The following KCNB2 variants were observed in gnomAD, a reference collection of about 807,000 sequenced individuals.
KCNB2 encodes the protein delayed rectifier potassium channel protein.
In KCNB2, 15 loss-of-function variants were observed where a neutral mutation model predicts 61.5. The observed-to-expected ratio is 0.24, with a 90% confidence interval of 0.16 to 0.38. The LOEUF is 0.38. KCNB2 is among the 10% of genes least tolerant of loss of function. The pLI is 1.00. For synonymous variants in KCNB2, 457 were observed against 446.0 expected (o/e 1.02, Z -0.31); for missense variants, 828 against 1,125.2 (o/e 0.74, Z 3.78).
In KCNB2 at chr8:72,731,170, G is replaced by A. The variant is rs569484876; in HGVS notation, c.579+162857G>A. On this transcript the variant is annotated intron_variant, in intron 2 of 2. Transcript: ENST00000523207. ...AGTGAGTGAGTGGGGAAGATGGAGA[G>A]AGTAAGAGGAAAACATCTTGCATCG... Among the ~76,000 whole-genome samples, 28 of 152,304 alleles carry A rather than the reference G, an allele frequency of 1.8e-4. No homozygotes were observed. The South Asian group carries it at 5.4e-3, about 29-fold the overall frequency.
chr8:72,772,954 C>G (rs1032372289), intron 2 of KCNB2, among the ~76,000 whole-genome samples: 2 of 152,134 alleles, frequency 1.3e-5, no homozygotes, highest in Non-Finnish European at 2.9e-5. Flanking sequence ...CAAAAATATC[C>G]CTCTTGCTGG....
In KCNB2 at chr8:72,936,707, C is replaced by G. The variant is rs1422954859; in HGVS notation, c.1352C>G (p.Ser451Cys). The G allele has an allele frequency of 6.2e-7, 1 of 1,614,148 alleles. No homozygotes were observed. The highest frequency in any genetic ancestry group is 8.5e-7 in the Non-Finnish European group (1 of 1,180,034). Residue 451 changes from serine to cysteine, a missense_variant, in exon 3 of 3, where the codon TCT becomes TGT. Coordinates refer to ENST00000523207, the MANE Select transcript of KCNB2 (RefSeq NM_004770.3). The surrounding 1 kb of genome is among the most constrained non-coding windows in gnomAD (Gnocchi z 5.6). ...ERAKRNGSIV[S>C]MNLKDAFARS... ...GCCAAAAGGAACGGAAGCATCGTTTCTATGAACTTAAAAGATGCCTTCGCT... is the reference window on the plus strand; with the variant it reads ...GCCAAAAGGAACGGAAGCATCGTTTGTATGAACTTAAAAGATGCCTTCGCT...
At chr8:72,577,642 C>T (rs1806819552) in intron 2 of KCNB2, among the ~76,000 whole-genome samples, 2 of 152,176 alleles carry the variant, frequency 1.3e-5, no homozygotes, top group South Asian at 4.1e-4. Flanking sequence ...AGATTTCACG[C>T]TTTAACTTCT....
At chr8:72,553,117 AC>A (rs1449992676) in intron 1 of KCNB2, among the ~76,000 whole-genome samples, 1 of 152,194 alleles carries the variant, frequency 6.6e-6, no homozygotes, top group Non-Finnish European at 1.5e-5. Context: ...ATTAGCAACA[AC>A]AACAAAATCT....
In KCNB2 at chr8:72,693,464, G is replaced by A. The variant is rs192190890; in HGVS notation, c.579+125151G>A. On this transcript the variant is annotated intron_variant, in intron 2 of 2. Coordinates refer to ENST00000523207, the MANE Select transcript of KCNB2 (RefSeq NM_004770.3). ...GGGGCTTGAGAGACTGTGCCATACA[G>A]GGAGCATAAATCCTATTGTCTGTCA... Among the ~76,000 whole-genome samples, 320 of 152,220 alleles carry A rather than the reference G, an allele frequency of 2.1e-3. 3 individuals carry two copies. The highest frequency in any genetic ancestry group is 7.2e-3 in the African/African-American group (300 of 41,534).
At chr8:72,811,051 C>T (rs1410593449) in intron 2 of KCNB2, among the ~76,000 whole-genome samples, 1 of 152,046 alleles carries the variant, frequency 6.6e-6, no homozygotes, top group African/African-American at 2.4e-5. Context: ...TATCTTTTAT[C>T]CTACCTTCTC....
intron 2 of KCNB2, among the ~76,000 whole-genome samples, chr8:72,777,693 T>C (rs920582194): frequency 6.6e-6 from 1 of 152,212 alleles, no homozygotes; most frequent in African/African-American, 2.4e-5. Context: ...TTTGTGTCAG[T>C]ATGCTTAAAA....
intron 2 of KCNB2, among the ~76,000 whole-genome samples, chr8:72,923,409 T>C (rs1806563643): frequency 6.6e-6 from 1 of 152,180 alleles, no homozygotes; most frequent in Non-Finnish European, 1.5e-5. Flanking sequence ...TTGGATTTAT[T>C]TTAGGGCCTG....
At chr8:72,725,927 T>C (rs1807642546) in intron 2 of KCNB2, among the ~76,000 whole-genome samples, 1 of 152,078 alleles carries the variant, frequency 6.6e-6, no homozygotes, top group Non-Finnish European at 1.5e-5. Context: ...GTTCTATAAA[T>C]TTATGCCAAG....
chr8:72,654,546 T>C (rs77032014), intron 2 of KCNB2, among the ~76,000 whole-genome samples: 13 of 152,298 alleles, frequency 8.5e-5, no homozygotes, highest in African/African-American at 3.1e-4. Context: ...CTGAGAAACT[T>C]TAAATATTTT....
intron 2 of KCNB2, among the ~76,000 whole-genome samples, chr8:72,863,137 C>CTACTA (rs1805448000): frequency 6.6e-6 from 1 of 152,116 alleles, no homozygotes. Context: ...TCAGTTCTGC[C>CTACTA]TAGTAGGGAA....
intron 2 of KCNB2, among the ~76,000 whole-genome samples, chr8:72,930,919 T>G (rs1321835801): frequency 2.0e-5 from 3 of 152,216 alleles, no homozygotes; most frequent in Admixed American, 6.5e-5. Context: ...TCTAGGGTTT[T>G]TATGGTTTTA....
At chr8:72,624,516 A>G (rs927859400) in intron 2 of KCNB2, among the ~76,000 whole-genome samples, 2 of 152,178 alleles carry the variant, frequency 1.3e-5, no homozygotes, top group South Asian at 4.1e-4. Flanking sequence ...GTTTTTGCTC[A>G]GAGATATGGG....
chr8:72,629,167 A>G (rs144436352), intron 2 of KCNB2, among the ~76,000 whole-genome samples: 37 of 152,314 alleles, frequency 2.4e-4, no homozygotes, highest in African/African-American at 8.4e-4. Context: ...TCTTCTGAAG[A>G]CTAAATTGAA....
intron 2 of KCNB2, among the ~76,000 whole-genome samples, chr8:72,788,867 A>C (rs1203663497): frequency 6.6e-6 from 1 of 152,214 alleles, no homozygotes; most frequent in Non-Finnish European, 1.5e-5. Context: ...ACACTGCTTA[A>C]TACAATAACT....
chr8:72,830,100 A>G (rs1173849712), intron 2 of KCNB2, among the ~76,000 whole-genome samples: 1 of 151,896 alleles, frequency 6.6e-6, no homozygotes. Flanking sequence ...CCTCTTCACT[A>G]TGCCTTCAGC....
At position 72,567,716 on chromosome 8, in the gene KCNB2, C is replaced by A. The variant is rs774806162; in HGVS notation, c.-19C>A. ...TCATTTTTTAAGGACCCTGGCTCTG[C>A]GGCTTTGTCCAGTTCAAAATGGCAG... On this transcript the variant is annotated 5_prime_UTR_variant, in exon 2 of 3. Coordinates refer to ENST00000523207, the MANE Select transcript of KCNB2 (RefSeq NM_004770.3). The A allele has an allele frequency of 1.7e-5, 25 of 1,500,204 alleles. No homozygotes were observed. Among genetic ancestry groups the A allele is most frequent in the Non-Finnish European group, 2.2e-5 (25 of 1,121,574 alleles). The allele number at this position is 1,500,204 out of a possible 1,614,324, so 92.9% of individuals were successfully genotyped here. A position where few individuals can be genotyped will look rare whatever the true frequency, so the allele number is the denominator to read the frequency against.
At chr8:72,612,076 T>A (rs1805551331) in intron 2 of KCNB2, among the ~76,000 whole-genome samples, 1 of 152,188 alleles carries the variant, frequency 6.6e-6, no homozygotes, top group Non-Finnish European at 1.5e-5. Context: ...AAACTTCAGA[T>A]ACTCTCAAGC....
rs1251610113 is a variant in KCNB2 at position 72,767,017 on chromosome 8, G to A, written c.580-168918G>A. On this transcript the variant is annotated intron_variant, in intron 2 of 2. Coordinates refer to ENST00000523207, the MANE Select transcript of KCNB2 (RefSeq NM_004770.3). ...GGAAGAAGCAAAAGCGGAAACCCCT[G>A]ATAAACTCATCAGATCTCATGAGAC... Among the ~76,000 whole-genome samples the A allele has an allele frequency of 6.6e-5, 10 of 152,218 alleles. No homozygotes were observed. The South Asian group carries it at 8.3e-4, about 13-fold the overall frequency.
Sources: allele counts gnomAD v4.1 joint callset (sites outside exome capture counted in the v4.1 genomes callset), GRCh38; gene constraint gnomAD v4.1.1; non-coding constraint Gnocchi (gnomAD v3.1); transcripts MANE v1.5; gene names NCBI Gene and HGNC (gene_info 2026-07-23, HGNC 2026-07-21).